RBFOX1: variants seen among roughly 807,000 people sequenced by gnomAD.
RBFOX1 encodes the protein RNA binding protein fox-1 homolog 1.
A neutral mutation model predicts 57.7 loss-of-function variants in RBFOX1; 8 were observed. The observed-to-expected ratio is 0.14, with a 90% CI of 0.08 to 0.25. The LOEUF (loss-of-function observed/expected upper bound fraction) is 0.25, where lower values mean the gene tolerates loss of function less well. RBFOX1 is among the 10% of genes least tolerant of loss of function. The probability of loss-of-function intolerance (pLI) is 1.00; values close to 1 mark genes in which losing one functional copy is unlikely to be tolerated. For synonymous variants in RBFOX1, 326 were observed against 222.4 expected (o/e 1.47, Z -4.15); for missense variants, 611 against 548.5 (o/e 1.11, Z -1.14).
At chr16:5,247,651 C>T (rs1321820187) in intron 1 of RBFOX1, among the ~76,000 whole-genome samples, 1 of 152,216 alleles carries the variant, frequency 6.6e-6, no homozygotes, top group Non-Finnish European at 1.5e-5. Context: ...TGCATATTGT[C>T]TGTGGCTGCT....
At chr16:7,649,737 T>C (rs1434141710) in intron 11 of RBFOX1, among the ~76,000 whole-genome samples, 2 of 152,128 alleles carry the variant, frequency 1.3e-5, no homozygotes, top group Admixed American at 6.5e-5. Flanking sequence ...CAGTTACTCA[T>C]CCTAACTGAT....
chr16:7,089,975 T>G (rs186047919), intron 4 of RBFOX1, among the ~76,000 whole-genome samples: 1 of 152,148 alleles, frequency 6.6e-6, no homozygotes, highest in African/African-American at 2.4e-5. Flanking sequence ...TAAGGAGATA[T>G]GAATTAGCAA....
chr16:5,746,571 G>A lies in RBFOX1; in HGVS notation c.319-120732G>A, dbSNP rs1313747728. Among the ~76,000 whole-genome samples, 8 of 152,306 alleles carry A rather than the reference G, an allele frequency of 5.3e-5. No individual in the cohort carries two copies. The East Asian group carries it at 1.2e-3, about 22-fold the overall frequency. On this transcript the variant is annotated intron_variant, in intron 3 of 19. Transcript: ENST00000641259. ...CGATATTGGTTCTTCCTATCCATGA[G>A]CATGGAATGTTCTTCTATTTGTTTG... is the stretch of plus-strand genomic sequence containing the variant.
chr16:5,839,687 C>T (rs1181917327), intron 3 of RBFOX1, among the ~76,000 whole-genome samples: 1 of 151,978 alleles, frequency 6.6e-6, no homozygotes, highest in Non-Finnish European at 1.5e-5. Context: ...GCTTCACCAT[C>T]CTCATCCACA....
At chr16:6,011,594 G>A (rs2094961671) in intron 4 of RBFOX1, among the ~76,000 whole-genome samples, 1 of 152,080 alleles carries the variant, frequency 6.6e-6, no homozygotes, top group South Asian at 2.1e-4. Context: ...CTCAGGCTTG[G>A]CATAGAGTAT....
intron 3 of RBFOX1, among the ~76,000 whole-genome samples, chr16:6,661,507 C>T (rs916556572): frequency 6.6e-6 from 1 of 152,122 alleles, no homozygotes; most frequent in African/African-American, 2.4e-5. Context: ...ATCCTCTGTC[C>T]CCACAGAAGG....
At chr16:5,454,964 T>C (rs1240383340) in intron 1 of RBFOX1, among the ~76,000 whole-genome samples, 23 of 62,298 alleles carry the variant, frequency 3.7e-4, no homozygotes, top group African/African-American at 1.3e-3. Flanking sequence ...CCTTCCTTTC[T>C]TTCTTTCTTT....
intron 3 of RBFOX1, among the ~76,000 whole-genome samples, chr16:6,795,649 C>T (rs572774526): frequency 1.3e-5 from 2 of 151,888 alleles, no homozygotes; most frequent in South Asian, 4.2e-4. Context: ...GCCTGTAATC[C>T]CAGCTACTTG....
intron 3 of RBFOX1, among the ~76,000 whole-genome samples, chr16:6,700,577 G>A (rs1490804435): frequency 2.6e-5 from 4 of 152,226 alleles, no homozygotes; most frequent in African/African-American, 9.6e-5. Flanking sequence ...AGAATTGCTT[G>A]AACCCGGGAG....
At chr16:6,525,611 C>T (rs1188595734) in intron 2 of RBFOX1, among the ~76,000 whole-genome samples, 1 of 152,000 alleles carries the variant, frequency 6.6e-6, no homozygotes, top group Non-Finnish European at 1.5e-5. Flanking sequence ...TGGGAAATGT[C>T]ACATGAAGGC....
chr16:6,925,975 A>C (rs1319914296), intron 3 of RBFOX1, among the ~76,000 whole-genome samples: 1 of 152,086 alleles, frequency 6.6e-6, no homozygotes, highest in Non-Finnish European at 1.5e-5. Flanking sequence ...GTAGTCCTGG[A>C]AACCATGTCA....
At chr16:6,134,923 C>A (rs145629958) in intron 1 of RBFOX1, among the ~76,000 whole-genome samples, 196 of 152,138 alleles carry the variant, frequency 1.3e-3, no homozygotes, top group African/African-American at 4.4e-3. Flanking sequence ...TATGCATGTG[C>A]CATGTTGGTG....
intron 4 of RBFOX1, among the ~76,000 whole-genome samples, chr16:7,203,290 A>G (rs769550505): frequency 8.5e-5 from 13 of 152,226 alleles, no homozygotes; most frequent in African/African-American, 1.2e-4. Flanking sequence ...AGCCAGTCAC[A>G]AAAACACACG....
intron 1 of RBFOX1, among the ~76,000 whole-genome samples, chr16:5,274,018 C>A (rs1211987961): frequency 1.3e-5 from 2 of 152,146 alleles, no homozygotes; most frequent in African/African-American, 4.8e-5. Flanking sequence ...AAAATGTATT[C>A]CCTCTCAGGT....
chr16:6,090,836 G>A (rs2096161050), intron 1 of RBFOX1, among the ~76,000 whole-genome samples: 1 of 152,138 alleles, frequency 6.6e-6, no homozygotes, highest in East Asian at 1.9e-4. Flanking sequence ...GGAGGGGTGA[G>A]AGCAGAGGGG....
chr16:7,005,369 A>G (rs117513960), intron 3 of RBFOX1, among the ~76,000 whole-genome samples: 1 of 152,154 alleles, frequency 6.6e-6, no homozygotes, highest in Admixed American at 6.5e-5. Context: ...GACTTATAGA[A>G]TAGAGGGATG....
At chr16:6,859,325 T>G (rs1320012266) in intron 3 of RBFOX1, among the ~76,000 whole-genome samples, 1 of 151,364 alleles carries the variant, frequency 6.6e-6, no homozygotes, top group Non-Finnish European at 1.5e-5. Context: ...ATTATATTTT[T>G]ATAAGAAAGA....
chr16:7,295,870 C>G (rs1230035912), intron 4 of RBFOX1, among the ~76,000 whole-genome samples: 1 of 152,168 alleles, frequency 6.6e-6, no homozygotes, highest in African/African-American at 2.4e-5. Flanking sequence ...TATTAAGCCT[C>G]TCCTAAGTGA....
intron 2 of RBFOX1, among the ~76,000 whole-genome samples, chr16:6,523,212 C>G (rs1598840913): frequency 1.3e-5 from 2 of 151,752 alleles, no homozygotes; most frequent in East Asian, 3.9e-4. Flanking sequence ...AGAGGAATAT[C>G]TGATAAAGAG....
Sources: gnomAD v4.1 joint callset for allele counts (sites outside exome capture counted in the v4.1 genomes callset) on GRCh38, gnomAD v4.1.1 for gene constraint, MANE v1.5 for transcripts, NCBI Gene and HGNC (gene_info 2026-07-23, HGNC 2026-07-21) for gene names.